Variants in CHRM3 observed in about 807,000 individuals in gnomAD.
CHRM3 encodes the protein cholinergic receptor muscarinic 3, also known as muscarinic acetylcholine receptor M3.
CHRM3 carries 11 observed loss-of-function variants against 41.8 expected under a neutral mutation model. The ratio of observed to expected loss-of-function variants is 0.26; its 90% CI spans 0.17 to 0.44. CHRM3 has a LOEUF of 0.44. Ranked by LOEUF, CHRM3 falls within the 20% of genes least tolerant of loss-of-function variation. The probability of loss-of-function intolerance (pLI) is 1.00; values close to 1 mark genes in which losing one functional copy is unlikely to be tolerated. For synonymous variants in CHRM3, 297 were observed against 301.4 expected, an observed-to-expected ratio of 0.99 and a Z score of 0.15; for missense variants, 571 against 745.4, an observed-to-expected ratio of 0.77 and a Z score of 2.72.
chr1:239,710,372 A>G (rs1661648883), intron 5 of CHRM3, among the ~76,000 whole-genome samples: 1 of 152,244 alleles, frequency 6.6e-6, no homozygotes, highest in Non-Finnish European at 1.5e-5. Context: ...TAAGTTGGGC[A>G]AATATTTTGT....
At chr1:239,544,324 G>A (rs529436498) in intron 2 of CHRM3, among the ~76,000 whole-genome samples, 1 of 152,304 alleles carries the variant, frequency 6.6e-6, no homozygotes, top group South Asian at 2.1e-4. Flanking sequence ...TGCGTAGATG[G>A]AAGTCCCGTT....
At chr1:239,904,289 G>C (rs958349498) in intron 6 of CHRM3, among the ~76,000 whole-genome samples, 1 of 152,170 alleles carries the variant, frequency 6.6e-6, no homozygotes, top group African/African-American at 2.4e-5. Flanking sequence ...GATGAATAAA[G>C]ATGATAATCT....
chr1:239,737,769 G>A (rs548807069), intron 5 of CHRM3, among the ~76,000 whole-genome samples: 10 of 152,158 alleles, frequency 6.6e-5, no homozygotes, highest in East Asian at 3.9e-4. Context: ...AAAACTCTTC[G>A]TAAGACATCC....
intron 2 of CHRM3, among the ~76,000 whole-genome samples, chr1:239,532,073 C>T (rs1325528502): frequency 1.6e-5 from 2 of 124,618 alleles, no homozygotes; most frequent in African/African-American, 3.2e-5. Context: ...AGTGCAGTAG[C>T]GCGATCTCGG....
intron 1 of CHRM3, among the ~76,000 whole-genome samples, chr1:239,463,072 T>C (rs1440718198): frequency 6.6e-6 from 1 of 152,178 alleles, no homozygotes; most frequent in Non-Finnish European, 1.5e-5. Context: ...ACTAATCGAT[T>C]GAACAACACA....
intron 3 of CHRM3, among the ~76,000 whole-genome samples, chr1:239,613,597 G>A (rs1435252085): frequency 6.6e-6 from 1 of 152,196 alleles, no homozygotes; most frequent in African/African-American, 2.4e-5. Context: ...TACAAGGGGA[G>A]TGGAAGCAAA....
chr1:239,831,653 C>T (rs1352637402), intron 6 of CHRM3, among the ~76,000 whole-genome samples: 1 of 152,124 alleles, frequency 6.6e-6, no homozygotes, highest in African/African-American at 2.4e-5. Flanking sequence ...CAAGCATAGC[C>T]TGGCAAATAT....
chr1:239,518,194 A>C (rs1669399762), intron 2 of CHRM3, among the ~76,000 whole-genome samples: 1 of 152,238 alleles, frequency 6.6e-6, no homozygotes, highest in Non-Finnish European at 1.5e-5. Context: ...GGAAAGACTA[A>C]GTTACTCAAA....
intron 4 of CHRM3, among the ~76,000 whole-genome samples, chr1:239,652,793 G>T (rs1024979863): frequency 1.3e-5 from 2 of 150,658 alleles, no homozygotes; most frequent in African/African-American, 4.9e-5. Flanking sequence ...TCATAGTGTG[G>T]GGTTGCAACA....
chr1:239,518,525 C>T (rs936034492), intron 2 of CHRM3, among the ~76,000 whole-genome samples: 2 of 152,202 alleles, frequency 1.3e-5, no homozygotes, highest in Non-Finnish European at 2.9e-5. Context: ...CAAAGGTAGA[C>T]AATTTGTCAA....
rs192671970 is a variant in CHRM3 at position 239,897,396 on chromosome 1, C to T, written c.-19-10037C>T. ...GAATTTTCTTCACCAGGTGTCCTTT[C>T]AGTACCTAAACTGACATATTAGAAA... On this transcript the variant is annotated intron_variant, in intron 6 of 6. Transcript: ENST00000676153. Among the ~76,000 whole-genome samples the T allele has an allele frequency of 2.4e-3, 371 of 152,284 alleles. 3 individuals are homozygous for T. Among genetic ancestry groups the T allele is most frequent in the African/African-American group, 8.7e-3 (360 of 41,550 alleles).
chr1:239,458,942 TCTTA>T (rs1448455637), intron 1 of CHRM3, among the ~76,000 whole-genome samples: 2 of 152,080 alleles, frequency 1.3e-5, no homozygotes, highest in African/African-American at 2.4e-5. Flanking sequence ...GATGTACAGG[TCTTA>T]CTTACTCTCA....
At chr1:239,639,085 A>G (rs1475251793) in intron 4 of CHRM3, among the ~76,000 whole-genome samples, 51 of 151,574 alleles carry the variant, frequency 3.4e-4, no homozygotes, top group African/African-American at 1.2e-3. Flanking sequence ...GATATGCGGC[A>G]TTATTTCTGA....
At chr1:239,618,433 G>A (rs1184810966) in intron 3 of CHRM3, among the ~76,000 whole-genome samples, 1 of 149,216 alleles carries the variant, frequency 6.7e-6, no homozygotes, top group Non-Finnish European at 1.5e-5. Flanking sequence ...TCTGCTAGGA[G>A]GTTTGTTTTC....
At chr1:239,596,977 C>T (rs944590695) in intron 3 of CHRM3, among the ~76,000 whole-genome samples, 1 of 152,052 alleles carries the variant, frequency 6.6e-6, no homozygotes, top group Non-Finnish European at 1.5e-5. Flanking sequence ...AAAATGAGAA[C>T]CTTTTCACTA....
chr1:239,738,879 C>T (rs1664610011), intron 5 of CHRM3, among the ~76,000 whole-genome samples: 1 of 152,156 alleles, frequency 6.6e-6, no homozygotes, highest in Admixed American at 6.5e-5. Flanking sequence ...AGACAGCTTT[C>T]ATTTAAGGTT....
chr1:239,665,805 A>G (rs1420268879), intron 4 of CHRM3, among the ~76,000 whole-genome samples: 1 of 152,188 alleles, frequency 6.6e-6, no homozygotes, highest in East Asian at 1.9e-4. Context: ...GCTGAGAATT[A>G]TGGTTTCCAG....
chr1:239,407,417 TAGAGAG>T lies in CHRM3; in HGVS notation c.-521+20209_-521+20214del, dbSNP rs67319486. On this transcript the variant is annotated intron_variant, in intron 1 of 6. Transcript: ENST00000676153. Reference sequence around the variant, plus strand: ...ACCAATGACTATAAATATATATATATAGAGAGAGAGAGAGAGAGAGAGAGCGCTAAA... The same window carrying T: ...ACCAATGACTATAAATATATATATATAGAGAGAGAGAGAGAGAGCGCTAAA... Among the ~76,000 whole-genome samples, 653 of 134,216 alleles carry T rather than the reference TAGAGAG, an allele frequency of 4.9e-3. 7 individuals are homozygous for T. The highest frequency in any genetic ancestry group is 0.016 in the African/African-American group (622 of 39,626). 88.1% of individuals were successfully genotyped at this position (134,216 alleles called of 152,430 possible).
intron 3 of CHRM3, among the ~76,000 whole-genome samples, chr1:239,550,127 C>T (rs1271281004): frequency 6.6e-6 from 1 of 152,060 alleles, no homozygotes; most frequent in Admixed American, 6.5e-5. Context: ...CAAGCCCCAC[C>T]TAGCAGCAGC....
Sources: allele counts gnomAD v4.1 joint callset (sites outside exome capture counted in the v4.1 genomes callset), GRCh38; gene constraint gnomAD v4.1.1; transcripts MANE v1.5; gene names NCBI Gene and HGNC (gene_info 2026-07-23, HGNC 2026-07-21).